The following TTC34 variants were observed in gnomAD, a reference collection of about 807,000 sequenced individuals.
TTC34 encodes the protein tetratricopeptide repeat domain 34.
Under a neutral mutation model 40.7 loss-of-function variants are expected in TTC34, and 44 were observed. The observed-to-expected ratio is 1.08, with a 90% CI of 0.85 to 1.39. The LOEUF is 1.39. Ranked by LOEUF, TTC34 falls within the 40% of genes most tolerant of loss-of-function variation. The pLI is 0.00. For synonymous variants in TTC34, 422 were observed against 398.6 expected, an observed-to-expected ratio of 1.06 and a Z score of -0.70; for missense variants, 884 against 838.0, an observed-to-expected ratio of 1.05 and a Z score of -0.68.
chr1:2,787,468 C>G lies in TTC34; in HGVS notation c.1854+13G>C. On this transcript the variant is annotated intron_variant, in intron 4 of 8. Coordinates refer to ENST00000401095, the Ensembl canonical transcript of TTC34. ...TTTCCACCTGCCCTCTGTCACCCCC[C>G]AGGCCTCCTCACCTGGTTGGCGTCA... 6.8e-7 allele frequency: 1 copy of G among 1,466,576 alleles called. No homozygotes were observed. The highest frequency in any genetic ancestry group is 9.1e-7 in the Non-Finnish European group (1 of 1,102,374). 90.8% of individuals were successfully genotyped at this position (1,466,576 alleles called of 1,614,324 possible). A position where few individuals can be genotyped will look rare whatever the true frequency, so the allele number is the denominator to read the frequency against.
intron 6 of TTC34, among the ~76,000 whole-genome samples, chr1:2,686,044 C>G (rs184768061): frequency 1.0e-3 from 94 of 91,410 alleles, no homozygotes; most frequent in Admixed American, 1.7e-3. Flanking sequence ...CCTGCACCCC[C>G]AAGTGAGCAT....
At chr1:2,675,126 G>A (rs1446668168) in intron 6 of TTC34, among the ~76,000 whole-genome samples, 4 of 4,620 alleles carry the variant, frequency 8.7e-4, no homozygotes, top group Non-Finnish European at 2.0e-3. Context: ...CACACCCCCA[G>A]GTGAGAATCT....
chr1:2,754,684 G>C (rs1641445128), intron 6 of TTC34, among the ~76,000 whole-genome samples: 2 of 83,334 alleles, frequency 2.4e-5, no homozygotes, highest in East Asian at 4.3e-4. Flanking sequence ...TGAACGCAAG[G>C]AGCAGCACCC....
At chr1:2,692,573 C>G (rs1427851099) in intron 6 of TTC34, among the ~76,000 whole-genome samples, 1 of 138,724 alleles carries the variant, frequency 7.2e-6, no homozygotes, top group African/African-American at 2.8e-5. Flanking sequence ...CGGCCTGGAA[C>G]AGCACCCACA....
At position 2,789,545 on chromosome 1, in the gene TTC34, C is replaced by T. The variant is rs1164342285; in HGVS notation, c.1586G>A (p.Arg529Gln). ...GCCGCCCGTCTCTGCGGCCTCCCTCCGGCCCTGCGCTCTGGACGGCCCGGC... is the reference window on the plus strand; with the variant it reads ...GCCGCCCGTCTCTGCGGCCTCCCTCTGGCCCTGCGCTCTGGACGGCCCGGC... Residue 529 changes from arginine (R) to glutamine (Q), a missense_variant, in exon 3 of 9, where the codon CGG becomes CAG. Transcript: ENST00000401095. 4.3e-5 allele frequency: 65 copies of T among 1,496,830 alleles called. No individual in the cohort carries two copies. The highest frequency in any genetic ancestry group is 5.7e-5 in the Non-Finnish European group (64 of 1,126,494). The allele number at this position is 1,496,830 out of a possible 1,614,324, so 92.7% of individuals were successfully genotyped here.
At chr1:2,768,080 C>T (rs566157444) in intron 6 of TTC34, among the ~76,000 whole-genome samples, 3 of 151,568 alleles carry the variant, frequency 2.0e-5, no homozygotes, top group African/African-American at 7.3e-5. Flanking sequence ...GAACGGCAAC[C>T]CACATCCCCA....
At chr1:2,683,444 C>G (rs879003045) in intron 6 of TTC34, among the ~76,000 whole-genome samples, 7 of 148,676 alleles carry the variant, frequency 4.7e-5, no homozygotes, top group Admixed American at 1.4e-4. Flanking sequence ...CCCAGGTGAG[C>G]ATCCGACAGC....
intron 6 of TTC34, among the ~76,000 whole-genome samples, chr1:2,694,665 A>C (rs28458955): frequency 1.4e-3 from 71 of 50,470 alleles, no homozygotes; most frequent in African/African-American, 2.3e-3. Flanking sequence ...GGAACAGCAC[A>C]CACACCGCCA....
intron 6 of TTC34, among the ~76,000 whole-genome samples, chr1:2,648,738 G>A (rs1639068565): frequency 6.6e-6 from 1 of 150,428 alleles, no homozygotes; most frequent in Non-Finnish European, 1.5e-5. Flanking sequence ...GCCTGGAACA[G>A]CACCGCACAC....
At chr1:2,753,342 A>T (rs1486421475) in intron 6 of TTC34, among the ~76,000 whole-genome samples, 9 of 52,320 alleles carry the variant, frequency 1.7e-4, no homozygotes, top group African/African-American at 4.4e-4. Context: ...ACACCCCCAG[A>T]CGAGCATCTG....
intron 6 of TTC34, among the ~76,000 whole-genome samples, chr1:2,685,360 C>A (rs1185563310): frequency 7.0e-6 from 1 of 143,244 alleles, no homozygotes; most frequent in Non-Finnish European, 1.5e-5. Context: ...CACCCACACC[C>A]CTAGGTGAGC....
chr1:2,752,896 C>A (rs1641371590), intron 6 of TTC34, among the ~76,000 whole-genome samples: 9 of 151,412 alleles, frequency 5.9e-5, no homozygotes, highest in African/African-American at 1.7e-4. Context: ...CACCCACACC[C>A]CCAGGTGAGC....
intron 6 of TTC34, among the ~76,000 whole-genome samples, chr1:2,759,701 C>G (rs1641630814): frequency 7.8e-6 from 1 of 127,410 alleles, no homozygotes; most frequent in Admixed American, 7.4e-5. Flanking sequence ...ATCCGACAGC[C>G]TGGAGCAGGA....
At chr1:2,797,496 G>A (rs72849592) in intron 2 of TTC34, among the ~76,000 whole-genome samples, 5,053 of 152,250 alleles carry the variant, frequency 0.033, 114 homozygotes, top group African/African-American at 0.07. Context: ...CTCACCTCAG[G>A]GCTCACCTGT....
chr1:2,753,470 CGT>C (rs1641395245), intron 6 of TTC34, among the ~76,000 whole-genome samples: 1 of 59,556 alleles, frequency 1.7e-5, no homozygotes, highest in Non-Finnish European at 3.0e-5. Flanking sequence ...CAGGTGTGCA[CGT>C]GACAGCTTGG....
Position 2,694,661 on chromosome 1 carries a change from G to A in TTC34, c.2227-49098C>T, listed in dbSNP as rs1459620208. Among the ~76,000 whole-genome samples, 10 of 82,766 alleles carry A rather than the reference G, an allele frequency of 1.2e-4. 3 individuals carry two copies. The highest frequency in any genetic ancestry group is 3.5e-4 in the African/African-American group (9 of 25,806). 54.3% of individuals were successfully genotyped at this position (82,766 alleles called of 152,430 possible). ...GGCGAGCATCTGACGGCCTGGAACA[G>A]CACACACACCGCCAGGTGACCATTG... is the stretch of plus-strand genomic sequence containing the variant. On this transcript the variant is annotated intron_variant, in intron 6 of 8. Transcript: ENST00000401095.
intron 8 of TTC34, among the ~76,000 whole-genome samples, chr1:2,643,583 C>G (rs1430786217): frequency 1.3e-5 from 2 of 152,046 alleles, no homozygotes; most frequent in African/African-American, 4.8e-5. Flanking sequence ...AGCTCTGAGA[C>G]CCCACCCCGC....
chr1:2,651,798 C>T (rs200467529), intron 6 of TTC34, among the ~76,000 whole-genome samples: 2,045 of 152,256 alleles, frequency 0.013, 41 homozygotes, highest in African/African-American at 0.038. Flanking sequence ...GGAAAAACAC[C>T]CTCCACCACC....
intron 6 of TTC34, among the ~76,000 whole-genome samples, chr1:2,760,377 T>C (rs1481783571): frequency 5.0e-5 from 2 of 40,236 alleles, no homozygotes; most frequent in Non-Finnish European, 7.5e-5. Context: ...AAGGTGAGTA[T>C]CTGACAGCCT....
Sources: gnomAD v4.1 joint callset for allele counts (sites outside exome capture counted in the v4.1 genomes callset) on GRCh38, gnomAD v4.1.1 for gene constraint, MANE v1.5 for transcripts, NCBI Gene and HGNC (gene_info 2026-07-23, HGNC 2026-07-21) for gene names.